SCARA3: variants seen among roughly 807,000 people sequenced by gnomAD.
SCARA3 encodes cellular stress response gene protein.
Under a neutral mutation model 47.0 loss-of-function variants are expected in SCARA3, and 39 were observed. That is an observed-to-expected ratio of 0.83 (90% CI 0.64 to 1.08). The LOEUF (loss-of-function observed/expected upper bound fraction) is 1.08, where lower values mean the gene tolerates loss of function less well. Among genes scored for constraint, SCARA3 ranks in the 50% least tolerant of loss-of-function variants. The pLI is 0.00. For synonymous variants in SCARA3, 356 were observed against 334.1 expected (o/e 1.07, Z -0.71); for missense variants, 724 against 792.3 (o/e 0.91, Z 1.04).
At chr8:27,721,880 G>A in the SCARA3 span, among the ~76,000 whole-genome samples, 1 of 152,154 alleles carries the variant, frequency 6.6e-6, no homozygotes, top group African/African-American at 2.4e-5. Context: ...ACAGGAGTTT[G>A]AGACCAGCCT....
At chr8:27,652,158 C>T (rs1801646947) in intron 3 of SCARA3, among the ~76,000 whole-genome samples, 1 of 152,330 alleles carries the variant, frequency 6.6e-6, no homozygotes, top group South Asian at 2.1e-4. Flanking sequence ...CTCCCTCAGC[C>T]AGACCTGCTG....
At chr8:27,677,035 CA>C (rs142436384), downstream of SCARA3, among the ~76,000 whole-genome samples, 1,573 of 152,316 alleles carry the variant, frequency 0.01, 27 homozygotes, top group African/African-American at 0.036. Flanking sequence ...ATATTGTCAT[CA>C]TTTCAGCTTC....
intron 1 of SCARA3, among the ~76,000 whole-genome samples, chr8:27,636,265 T>C (rs1801247299): frequency 1.3e-5 from 2 of 152,134 alleles, no homozygotes; most frequent in African/African-American, 4.8e-5. Context: ...TCAGAGTGGC[T>C]CCACCCCAAT....
chr8:27,696,249 A>T, the SCARA3 span, among the ~76,000 whole-genome samples: 1 of 152,122 alleles, frequency 6.6e-6, no homozygotes, highest in Non-Finnish European at 1.5e-5. Flanking sequence ...GCCTCAAGCA[A>T]TCCTCCCACC....
the SCARA3 span, among the ~76,000 whole-genome samples, chr8:27,690,333 T>A: frequency 5.3e-5 from 8 of 152,156 alleles, no homozygotes; most frequent in African/African-American, 1.7e-4. Flanking sequence ...CTCAAAACGC[T>A]CGTGCCCTTG....
chr8:27,672,916 C>T lies in SCARA3; in HGVS notation c.*1565C>T, dbSNP rs1241664399. The T allele has an allele frequency of 3.0e-6, 3 of 985,330 alleles. No individual in the cohort carries two copies. The highest frequency in any genetic ancestry group is 1.1e-4 in the East Asian group (1 of 8,828). The allele number at this position is 985,330 out of a possible 1,614,324, so 61.0% of individuals were successfully genotyped here. ...CCTCCTGACTGTCCTGGATGTGCAA[C>T]TGGTTTGCACTGCACACCCCACGGC... On this transcript the variant is annotated 3_prime_UTR_variant, in exon 6 of 6. Transcript: ENST00000301904.
the SCARA3 span, among the ~76,000 whole-genome samples, chr8:27,718,003 G>A: frequency 6.6e-6 from 1 of 152,106 alleles, no homozygotes; most frequent in South Asian, 2.1e-4. Flanking sequence ...CAAACATTTA[G>A]GGATGCTTAC....
At chr8:27,666,574 C>T (rs963986640) in intron 5 of SCARA3, among the ~76,000 whole-genome samples, 4 of 152,236 alleles carry the variant, frequency 2.6e-5, no homozygotes, top group Admixed American at 6.5e-5. Context: ...CCCAGCCACG[C>T]GCTTTGCTAA....
At chr8:27,700,553 G>C in the SCARA3 span, among the ~76,000 whole-genome samples, 1 of 151,472 alleles carries the variant, frequency 6.6e-6, no homozygotes, top group African/African-American at 2.4e-5. Context: ...GTTGCAGTGA[G>C]CTGAGATCAC....
At chr8:27,684,429 T>C in the SCARA3 span, among the ~76,000 whole-genome samples, 2 of 152,222 alleles carry the variant, frequency 1.3e-5, no homozygotes, top group Non-Finnish European at 2.9e-5. Context: ...CCCACGCCTG[T>C]AATCCCAGCA....
chr8:27,722,981 G>A, the SCARA3 span, among the ~76,000 whole-genome samples: 2 of 152,064 alleles, frequency 1.3e-5, 1 homozygote, highest in African/African-American at 4.8e-5. Flanking sequence ...TCCCTCTTCG[G>A]CAGCAGGCAG....
At chr8:27,677,126 C>G (rs1191691366), downstream of SCARA3, among the ~76,000 whole-genome samples, 1 of 152,202 alleles carries the variant, frequency 6.6e-6, no homozygotes, top group Non-Finnish European at 1.5e-5. Flanking sequence ...TTCCTTCACT[C>G]ATTCAACAAA....
intron 1 of SCARA3, among the ~76,000 whole-genome samples, chr8:27,639,643 G>T (rs1485306027): frequency 1.3e-5 from 2 of 152,216 alleles, no homozygotes; most frequent in Non-Finnish European, 2.9e-5. Flanking sequence ...GGTTTGTCAG[G>T]AGAAGGCCTA....
the SCARA3 span, among the ~76,000 whole-genome samples, chr8:27,692,091 G>C: frequency 6.6e-6 from 1 of 152,198 alleles, no homozygotes; most frequent in East Asian, 1.9e-4. Flanking sequence ...CCTCCCTTTG[G>C]AATTCAAGCA....
the SCARA3 span, among the ~76,000 whole-genome samples, chr8:27,713,649 C>G: frequency 6.6e-6 from 1 of 152,164 alleles, no homozygotes; most frequent in Non-Finnish European, 1.5e-5. Flanking sequence ...TTCTGTGTCT[C>G]TCTGAGTTGT....
At chr8:27,646,660 G>A (rs74529982) in intron 1 of SCARA3, among the ~76,000 whole-genome samples, 6 of 152,162 alleles carry the variant, frequency 3.9e-5, no homozygotes, top group Non-Finnish European at 7.4e-5. Flanking sequence ...AGCCCACAAC[G>A]TGGTTCTGAC....
chr8:27,655,024 T>G (rs1363593873), intron 3 of SCARA3, among the ~76,000 whole-genome samples: 3 of 152,206 alleles, frequency 2.0e-5, no homozygotes, highest in Non-Finnish European at 4.4e-5. Context: ...TTGTCTCATG[T>G]AACAGCATGT....
At chr8:27,648,120 G>C (rs1351361783) in intron 1 of SCARA3, among the ~76,000 whole-genome samples, 2 of 152,238 alleles carry the variant, frequency 1.3e-5, no homozygotes, top group African/African-American at 2.4e-5. Context: ...CAAGGTGGTT[G>C]TAGGTATGGT....
At chr8:27,699,088 C>CA in the SCARA3 span, among the ~76,000 whole-genome samples, 1 of 151,362 alleles carries the variant, frequency 6.6e-6, no homozygotes, top group Admixed American at 6.6e-5. Flanking sequence ...ACTAAAAATA[C>CA]AAAAAATTAG....
Sources: allele counts gnomAD v4.1 joint callset (sites outside exome capture counted in the v4.1 genomes callset), GRCh38; gene constraint gnomAD v4.1.1; transcripts MANE v1.5; gene names NCBI Gene and HGNC (gene_info 2026-07-23, HGNC 2026-07-21).